Variants in JAK1 observed in about 807,000 individuals in gnomAD.
JAK1 encodes Janus kinase 1.
Under a neutral mutation model 136.6 loss-of-function variants are expected in JAK1, and 16 were observed. The observed-to-expected ratio is 0.12, with a 90% confidence interval of 0.08 to 0.18. The LOEUF (loss-of-function observed/expected upper bound fraction) is 0.18. Among genes scored for constraint, JAK1 ranks in the 10% least tolerant of loss-of-function variants. JAK1 has a pLI of 1.00. For missense variants in JAK1, 859 were observed against 1,450.1 expected (o/e 0.59, Z 6.62); for synonymous variants, 492 against 519.5 (o/e 0.95, Z 0.72).
intron 1 of JAK1, among the ~76,000 whole-genome samples, chr1:64,928,798 A>AAAAAAAAAAAAAAAAAAAAAAAAAAC (rs1557699679): frequency 4.4e-5 from 4 of 89,988 alleles, no homozygotes; most frequent in African/African-American, 1.7e-4. Context: ...AAAAAAAAAC[A>AAAAAAAAAAAAAAAAAAAAAAAAAAC]AAAAAAAAAA....
At chr1:64,891,065 A>G (rs1055311787) in intron 1 of JAK1, among the ~76,000 whole-genome samples, 5 of 152,206 alleles carry the variant, frequency 3.3e-5, no homozygotes, top group African/African-American at 1.2e-4. Context: ...AGAGTTTAGC[A>G]TGCAGTAAGC....
chr1:64,933,690 A>G (rs778066562), intron 1 of JAK1, among the ~76,000 whole-genome samples: 1 of 152,164 alleles, frequency 6.6e-6, no homozygotes, highest in Non-Finnish European at 1.5e-5. Flanking sequence ...AATTCACTTC[A>G]AAGGATCTGC....
intron 1 of JAK1, among the ~76,000 whole-genome samples, chr1:64,943,496 T>C (rs1645926900): frequency 6.6e-6 from 1 of 152,194 alleles, no homozygotes; most frequent in Non-Finnish European, 1.5e-5. Flanking sequence ...GAGATGATGA[T>C]TTTTTGTGGT....
chr1:64,905,528 A>G (rs1451495275), intron 1 of JAK1, among the ~76,000 whole-genome samples: 3 of 152,190 alleles, frequency 2.0e-5, no homozygotes, highest in African/African-American at 7.2e-5. Flanking sequence ...AATCGTATTG[A>G]AAGCAGATAT....
intron 7 of JAK1, among the ~76,000 whole-genome samples, chr1:64,865,952 G>A (rs961299236): frequency 6.6e-5 from 10 of 152,026 alleles, no homozygotes; most frequent in African/African-American, 2.4e-4. Flanking sequence ...TAAAGATAGG[G>A]TTTCACCATG....
At chr1:65,063,804 C>CAAAAAAAAAAA (rs370192253) in intron 1 of JAK1, among the ~76,000 whole-genome samples, 16 of 81,356 alleles carry the variant, frequency 2.0e-4, no homozygotes, top group South Asian at 4.0e-4. Context: ...GACTCTATCT[C>CAAAAAAAAAAA]AAAAAAAAAA....
chr1:64,961,980 T>TA (rs201611406), intron 1 of JAK1, among the ~76,000 whole-genome samples: 2,297 of 152,174 alleles, frequency 0.015, 27 homozygotes, highest in Non-Finnish European at 0.022. Context: ...TCTGTAACAT[T>TA]AAAAAAAGAA....
At chr1:64,837,353 C>G (rs1055912975) in intron 22 of JAK1, among the ~76,000 whole-genome samples, 1 of 152,134 alleles carries the variant, frequency 6.6e-6, no homozygotes, top group East Asian at 1.9e-4. Context: ...TTGGTTATGT[C>G]GTTATGTGGT....
intron 12 of JAK1, 146 bp downstream of exon 12, chr1:64,850,658 C>T (rs1028580236): frequency 2.0e-5 from 13 of 643,460 alleles, no homozygotes; most frequent in Admixed American, 1.4e-4. Context: ...AATGGTTGTA[C>T]GGCTTTTGCC....
intron 1 of JAK1, among the ~76,000 whole-genome samples, chr1:64,912,313 C>T (rs1645298623): frequency 6.6e-6 from 1 of 152,152 alleles, no homozygotes; most frequent in African/African-American, 2.4e-5. Context: ...CTAGCAACCA[C>T]AGTTATGTCA....
chr1:65,010,683 A>G (rs1339128166), intron 2 of JAK1, among the ~76,000 whole-genome samples: 3 of 152,232 alleles, frequency 2.0e-5, no homozygotes, highest in Non-Finnish European at 4.4e-5. Flanking sequence ...AATATTCTTT[A>G]TTTAAAAAAA....
At chr1:65,024,943 C>T (rs545294639) in intron 2 of JAK1, among the ~76,000 whole-genome samples, 177 of 152,226 alleles carry the variant, frequency 1.2e-3, no homozygotes, top group Non-Finnish European at 2.0e-3. Context: ...TGCCATTGCA[C>T]TCTAGCCTGG....
intron 1 of JAK1, among the ~76,000 whole-genome samples, chr1:64,964,101 C>A (rs1374784780): frequency 6.6e-6 from 1 of 152,192 alleles, no homozygotes; most frequent in Admixed American, 6.5e-5. Flanking sequence ...AATCACAGAA[C>A]ATCCAATGTT....
intron 1 of JAK1, among the ~76,000 whole-genome samples, chr1:64,921,943 G>C (rs1186100205): frequency 6.6e-6 from 1 of 151,842 alleles, no homozygotes; most frequent in East Asian, 1.9e-4. Context: ...CAACAGTAAA[G>C]AGAGATTAAG....
Position 64,841,464 on chromosome 1 carries a change from C to G in JAK1, c.2541G>C (p.Lys847Asn). The G allele has an allele frequency of 6.2e-7, 1 of 1,614,206 alleles. No individual in the cohort carries two copies. Among genetic ancestry groups the G allele is most frequent in the South Asian group, 1.1e-5 (1 of 91,086 alleles). Residue 847 changes from lysine to asparagine, a missense_variant, in exon 18 of 25, where the codon AAG (lysine) becomes AAC (asparagine). This residue lies in a region of JAK1 where 409 missense variants were observed against 753.8 expected (regional missense o/e 0.54). Coordinates refer to ENST00000342505, the MANE Select transcript of JAK1 (RefSeq NM_002227.4). ...GGCAGGTCTTACTCTGCTCTTCAAG[C>G]TTATTAATGTCTCTCATGATGGCTC... ...FFRAIMRDIN[K>N]LEEQNPDIVS...
Position 64,984,739 on chromosome 1 carries a change from T to C in JAK1, c.-78+59741A>G. On this transcript the variant is annotated intron_variant, in intron 2 of 25. Coordinates refer to the JAK1 transcript ENST00000671954. This position sits in a 1 kb window ranked among gnomAD's most constrained non-coding sequence, Gnocchi z 4.1. The stretch of plus-strand genomic sequence containing the variant: ...ATATCCTTGAAAGTCCTGTAACACA[T>C]CTCAGGGACTTTGAAGAAGGTAAAG... 1 of 884,206 alleles carries C rather than the reference T, an allele frequency of 1.1e-6. No individual in the cohort carries two copies. The highest frequency in any genetic ancestry group is 1.7e-5 in the African/African-American group (1 of 59,598). 54.8% of individuals were successfully genotyped at this position (884,206 alleles called of 1,614,324 possible).
intron 11 of JAK1, among the ~76,000 whole-genome samples, chr1:64,851,793 A>G (rs980620094): frequency 1.4e-4 from 21 of 152,246 alleles, no homozygotes; most frequent in African/African-American, 4.8e-4. Context: ...GTATGTTTTC[A>G]TCAATTTTAT....
chr1:65,057,279 G>A (rs1032519641), intron 1 of JAK1, among the ~76,000 whole-genome samples: 4 of 152,326 alleles, frequency 2.6e-5, no homozygotes, highest in South Asian at 2.1e-4. Flanking sequence ...GTCCTTAGGA[G>A]TCTACAGGGA....
intron 5 of JAK1, among the ~76,000 whole-genome samples, chr1:64,870,191 C>T (rs1656991479): frequency 6.6e-6 from 1 of 152,198 alleles, no homozygotes; most frequent in Non-Finnish European, 1.5e-5. Flanking sequence ...CCACACAGTG[C>T]TTGGCTCCTT....
Sources: gnomAD v4.1 joint callset for allele counts (sites outside exome capture counted in the v4.1 genomes callset) on GRCh38, gnomAD v4.1.1 for gene constraint, gnomAD v4.1.1 regional missense constraint, Gnocchi (gnomAD v3.1) non-coding constraint, MANE v1.5 for transcripts, NCBI Gene and HGNC (gene_info 2026-07-23, HGNC 2026-07-21) for gene names.